LRGUK: variants seen among roughly 807,000 people sequenced by gnomAD.
LRGUK encodes leucine-rich repeat and guanylate kinase domain-containing protein.
In LRGUK, 65 loss-of-function variants were observed where a neutral mutation model predicts 76.0. The ratio of observed to expected loss-of-function variants is 0.85; its 90% CI spans 0.70 to 1.05. The LOEUF is 1.05. Ranked by LOEUF, LRGUK falls within the 50% of genes least tolerant of loss-of-function variation. The probability of loss-of-function intolerance (pLI) is 0.00; values close to 1 mark genes in which losing one functional copy is unlikely to be tolerated. For missense variants in LRGUK, 758 were observed against 732.8 expected, an observed-to-expected ratio of 1.03 and a Z score of -0.40; for synonymous variants, 268 against 265.6, an observed-to-expected ratio of 1.01 and a Z score of -0.09.
chr7:134,225,890 C>T (rs1486613182), intron 16 of LRGUK, among the ~76,000 whole-genome samples: 1 of 152,124 alleles, frequency 6.6e-6, no homozygotes, highest in Non-Finnish European at 1.5e-5. Context: ...ACACACACTG[C>T]CTTTATGCAG....
chr7:134,158,597 A>T (rs1798584239), intron 6 of LRGUK, among the ~76,000 whole-genome samples: 1 of 152,218 alleles, frequency 6.6e-6, no homozygotes, highest in African/African-American at 2.4e-5. Context: ...CTGAATTTTG[A>T]CAGTCCTTTT....
At chr7:134,131,371 TAAG>T (rs985955368) in intron 1 of LRGUK, among the ~76,000 whole-genome samples, 1 of 152,172 alleles carries the variant, frequency 6.6e-6, no homozygotes, top group Non-Finnish European at 1.5e-5. Context: ...CAAAGTGAGA[TAAG>T]AATGCGAGTA....
chr7:134,150,439 C>T (rs962707172), intron 5 of LRGUK, among the ~76,000 whole-genome samples: 7 of 144,794 alleles, frequency 4.8e-5, no homozygotes, highest in African/African-American at 1.6e-4. Context: ...TCTAGCCTGG[C>T]GACAGAGCGA....
At chr7:134,201,532 T>A in exon 15 of LRGUK, 2 of 1,614,026 alleles carry the variant, frequency 1.2e-6, no homozygotes, top group Non-Finnish European at 1.7e-6. Flanking sequence ...AGAGAATACC[T>A]TGGATTGACT....
chr7:134,212,520 T>A (rs998125183), downstream of LRGUK, among the ~76,000 whole-genome samples: 1 of 152,232 alleles, frequency 6.6e-6, no homozygotes, highest in Non-Finnish European at 1.5e-5. Flanking sequence ...AGGAAACTGA[T>A]ATTTTAGAAA....
At chr7:134,238,085 C>T (rs150453588) in intron 16 of LRGUK, among the ~76,000 whole-genome samples, 32 of 152,288 alleles carry the variant, frequency 2.1e-4, no homozygotes, top group African/African-American at 7.0e-4. Flanking sequence ...CATAGCTACA[C>T]TATCAAAGCA....
At chr7:134,188,063 A>C (rs1384443487) in intron 11 of LRGUK, among the ~76,000 whole-genome samples, 3 of 152,252 alleles carry the variant, frequency 2.0e-5, no homozygotes, top group African/African-American at 7.2e-5. Flanking sequence ...TCATTTATTC[A>C]TTCAATATTT....
chr7:134,263,181 C>T lies in LRGUK; in HGVS notation c.2348-664C>T, dbSNP rs1378639402. On this transcript the variant is annotated intron_variant, in intron 19 of 19. Transcript: ENST00000285928. ...TGTTTCTCTCACTCTCTATAGAATC[C>T]TCTGCTTTACTTTCTCAATCCCTGC... Among the ~76,000 whole-genome samples the T allele has an allele frequency of 2.6e-5, 4 of 151,946 alleles. No individual in the cohort carries two copies. In the East Asian group the frequency reaches 7.7e-4, roughly 29 times the overall value.
intron 16 of LRGUK, among the ~76,000 whole-genome samples, chr7:134,229,878 A>G (rs957375462): frequency 7.9e-5 from 12 of 152,218 alleles, no homozygotes; most frequent in African/African-American, 2.7e-4. Flanking sequence ...ATCTCACACC[A>G]TATATAAAAA....
chr7:134,135,608 C>T (rs1797490610), intron 1 of LRGUK, among the ~76,000 whole-genome samples: 1 of 152,196 alleles, frequency 6.6e-6, no homozygotes, highest in African/African-American at 2.4e-5. Context: ...AGTCACACAT[C>T]CAAAATGGCA....
At chr7:134,145,785 A>G (rs994651427) in intron 4 of LRGUK, among the ~76,000 whole-genome samples, 5 of 152,314 alleles carry the variant, frequency 3.3e-5, no homozygotes, top group Admixed American at 1.3e-4. Context: ...TTTAATATCT[A>G]TGAGCCTTGT....
chr7:134,229,615 C>T (rs182294641), intron 16 of LRGUK, among the ~76,000 whole-genome samples: 41 of 152,096 alleles, frequency 2.7e-4, no homozygotes, highest in African/African-American at 9.7e-4. Flanking sequence ...TAGGTCTATA[C>T]GCTCAAAGCA....
At chr7:134,153,421 T>C (rs1246228699) in intron 5 of LRGUK, among the ~76,000 whole-genome samples, 1 of 152,190 alleles carries the variant, frequency 6.6e-6, no homozygotes, top group Non-Finnish European at 1.5e-5. Flanking sequence ...TAAATATACT[T>C]ATTCTTAAGA....
intron 3 of LRGUK, 21 bp downstream of exon 3, chr7:134,139,538 A>G (rs1488675969): frequency 1.4e-6 from 2 of 1,478,868 alleles, no homozygotes; most frequent in Non-Finnish European, 1.9e-6. Flanking sequence ...GTCATTCTAG[A>G]TTGATCACTG....
At chr7:134,172,712 C>T (rs1360613656) in intron 7 of LRGUK, among the ~76,000 whole-genome samples, 1 of 152,100 alleles carries the variant, frequency 6.6e-6, no homozygotes, top group Non-Finnish European at 1.5e-5. Flanking sequence ...TGTGGTGGCT[C>T]ACGGCTGTAA....
At chr7:134,178,447 T>C in intron 9 of LRGUK, 56 bp from the exon 10 acceptor site, 3 of 1,365,512 alleles carry the variant, frequency 2.2e-6, no homozygotes, top group Non-Finnish European at 3.1e-6. Flanking sequence ...CCAAGCTTTG[T>C]CTTCTTTTTA....
intron 12 of LRGUK, 127 bp from the exon 13 acceptor site, chr7:134,196,865 C>T: frequency 1.8e-6 from 1 of 561,850 alleles, no homozygotes; most frequent in Non-Finnish European, 3.2e-6. Flanking sequence ...CATTGTCATC[C>T]TTATATAGTT....
At chr7:134,269,034 A>G (rs116538378), downstream of LRGUK, among the ~76,000 whole-genome samples, 612 of 152,028 alleles carry the variant, frequency 4.0e-3, 4 homozygotes, top group African/African-American at 0.014. Context: ...CCCGGCTGCA[A>G]AAATTCTTAA....
chr7:134,127,726 G>T, intron 1 of LRGUK, 62 bp downstream of exon 1: 1 of 1,521,418 alleles, frequency 6.6e-7, no homozygotes, highest in South Asian at 1.3e-5. Flanking sequence ...TACTTCAGCG[G>T]CAGCTCCCCG....
Sources: gnomAD v4.1 joint callset for allele counts (sites outside exome capture counted in the v4.1 genomes callset) on GRCh38, gnomAD v4.1.1 for gene constraint, MANE v1.5 for transcripts, NCBI Gene and HGNC (gene_info 2026-07-23, HGNC 2026-07-21) for gene names.